ZNF518B: variants seen among roughly 807,000 people sequenced by gnomAD.
ZNF518B encodes zinc finger protein 518B.
ZNF518B carries 23 observed loss-of-function variants against 56.3 expected under a neutral mutation model. The observed-to-expected ratio is 0.41, with a 90% CI of 0.29 to 0.58. The LOEUF (loss-of-function observed/expected upper bound fraction) is 0.58. Ranked by LOEUF, ZNF518B falls within the 20% of genes least tolerant of loss-of-function variation. The probability of loss-of-function intolerance (pLI) is 0.32; values close to 1 mark genes in which losing one functional copy is unlikely to be tolerated. For synonymous variants in ZNF518B, 529 were observed against 465.9 expected (o/e 1.14, Z -1.74); for missense variants, 1,460 against 1,272.1 (o/e 1.15, Z -2.25).
rs1182352232 is a variant in ZNF518B at position 10,442,531 on chromosome 4, C to A, written c.*573G>T. On this transcript the variant is annotated 3_prime_UTR_variant, in exon 3 of 3. Coordinates refer to ENST00000326756, the MANE Select transcript of ZNF518B (RefSeq NM_053042.3). Reference sequence around the variant, plus strand: ...TAAAATGGCCAGTAAAAGCAAAACTCTTTGTGCTATACGGAACACTCGGGA... The same window carrying A: ...TAAAATGGCCAGTAAAAGCAAAACTATTTGTGCTATACGGAACACTCGGGA... 6.6e-6 allele frequency: 1 copy of A among 152,196 alleles called. No individual in the cohort carries two copies. Among genetic ancestry groups the A allele is most frequent in the Non-Finnish European group, 1.5e-5 (1 of 68,064 alleles). 9.4% of individuals were successfully genotyped at this position (152,196 alleles called of 1,614,324 possible).
intron 2 of ZNF518B, chr4:10,454,169 G>A (rs1052624525): frequency 2.0e-5 from 3 of 152,242 alleles, no homozygotes; most frequent in Non-Finnish European, 2.9e-5. Flanking sequence ...GGTGCCTGGA[G>A]GTGGGGTGAG....
chr4:10,460,608 A>T (rs1715718135), upstream of ZNF518B, among the ~76,000 whole-genome samples: 1 of 152,180 alleles, frequency 6.6e-6, no homozygotes. Flanking sequence ...GTGGATTTAG[A>T]TCATTCTAGG....
chr4:10,456,949 G>C (rs894866088), intron 1 of ZNF518B, among the ~76,000 whole-genome samples: 1 of 150,986 alleles, frequency 6.6e-6, no homozygotes, highest in Non-Finnish European at 1.5e-5. Flanking sequence ...CCCCCGCCTC[G>C]GTCGCCCCGG....
chr4:10,450,307 A>T (rs1439377369), intron 2 of ZNF518B, among the ~76,000 whole-genome samples: 1 of 152,226 alleles, frequency 6.6e-6, no homozygotes, highest in Non-Finnish European at 1.5e-5. Context: ...CTTCTGAACT[A>T]TGCTCAAGAT....
intron 1 of ZNF518B, 190 bp downstream of exon 1, chr4:10,457,127 G>C (rs1036293983): frequency 6.7e-6 from 1 of 148,864 alleles, no homozygotes; most frequent in East Asian, 2.0e-4. Context: ...GCCCGCGTTC[G>C]GCCTACCCGG....
In ZNF518B at chr4:10,446,554, A is replaced by T; in HGVS notation, c.-211-15T>A. 2.1e-6 allele frequency: 1 copy of T among 482,514 alleles called. No homozygotes were observed. The highest frequency in any genetic ancestry group is 3.8e-6 in the Non-Finnish European group (1 of 264,466). 29.9% of individuals were successfully genotyped at this position (482,514 alleles called of 1,614,324 possible). ...TCCAGGTAACACTAAAGGAAAACAA[A>T]ATTATAAAGCATGATTAATATAAGA... On this transcript the variant is annotated splice_polypyrimidine_tract_variant and intron_variant, in intron 2 of 2. Coordinates refer to ENST00000326756, the MANE Select transcript of ZNF518B (RefSeq NM_053042.3).
chr4:10,447,647 C>CTTT (rs10675116), intron 2 of ZNF518B, among the ~76,000 whole-genome samples: 2,686 of 121,334 alleles, frequency 0.022, 121 homozygotes, highest in East Asian at 0.16. Flanking sequence ...ACAGAGTGAC[C>CTTT]TTTTTTTTTT....
chr4:10,454,341 G>C (rs1715444289), intron 2 of ZNF518B: 1 of 152,260 alleles, frequency 6.6e-6, no homozygotes, highest in African/African-American at 2.4e-5. Context: ...TCCTGGCACA[G>C]TGCCTGGCAT....
At chr4:10,458,149 G>C (rs1444844274), upstream of ZNF518B, among the ~76,000 whole-genome samples, 3 of 152,156 alleles carry the variant, frequency 2.0e-5, no homozygotes, top group African/African-American at 7.2e-5. Context: ...CTACGGTCCG[G>C]AAGGAAGACA....
At chr4:10,446,747 A>G (rs1715075948) in intron 2 of ZNF518B, among the ~76,000 whole-genome samples, 1 of 152,216 alleles carries the variant, frequency 6.6e-6, no homozygotes, top group Non-Finnish European at 1.5e-5. Flanking sequence ...ATAAATGACC[A>G]CTTTAGCCAA....
At chr4:10,450,595 C>T (rs770320534) in intron 2 of ZNF518B, among the ~76,000 whole-genome samples, 2 of 152,202 alleles carry the variant, frequency 1.3e-5, no homozygotes, top group Non-Finnish European at 2.9e-5. Context: ...TTCCACACAA[C>T]GTCCTCCATG....
Position 10,443,350 on chromosome 4 carries a change from G to A in ZNF518B, c.2979C>T (p.Thr993=), listed in dbSNP as rs139973117. The A allele has an allele frequency of 7.4e-6, 12 of 1,614,070 alleles. No homozygotes were observed. The Admixed American group carries it at 1.5e-4, about 20-fold the overall frequency. ...LGIRRHHVRL[T]YQNAEEASQI... is the part of the protein sequence containing the mutation. ...GACTGGCTTCTTCCGCATTCTGGTA[G>A]GTCAGGCGTACATGATGCCGTCTGA... The change falls in exon 3 of 3, where the codon ACC becomes ACT. Residue 993 remains threonine (T), a synonymous_variant. Coordinates refer to ENST00000326756, the MANE Select transcript of ZNF518B (RefSeq NM_053042.3).
In ZNF518B at chr4:10,444,324, T is replaced by C. The variant is rs1331518746; in HGVS notation, c.2005A>G (p.Ile669Val). The C allele has an allele frequency of 1.2e-6, 2 of 1,614,210 alleles. No individual in the cohort carries two copies. The highest frequency in any genetic ancestry group is 1.7e-6 in the Non-Finnish European group (2 of 1,180,034). Reference protein sequence around the residue: ...IKSIELLRRKIAQLIESCGKP... With the variant: ...IKSIELLRRKVAQLIESCGKP... The stretch of plus-strand genomic sequence containing the variant: ...CCACAGGACTCAATTAACTGAGCTA[T>C]CTTTCTGCGCAACAGTTCAATTGAC... The change falls in exon 3 of 3, where the codon ATA becomes GTA. Residue 669 changes from isoleucine (I) to valine (V), a missense_variant. By Grantham distance (29) the Ile-to-Val change is conservative (BLOSUM62 3). Transcript: ENST00000326756.
In ZNF518B at chr4:10,446,389, C is replaced by G. The variant is rs1468660946; in HGVS notation, c.-61G>C. The G allele has an allele frequency of 7.4e-6, 11 of 1,489,814 alleles. No individual in the cohort carries two copies. The highest frequency in any genetic ancestry group is 1.0e-5 in the Non-Finnish European group (11 of 1,083,860). 92.3% of individuals were successfully genotyped at this position (1,489,814 alleles called of 1,614,324 possible). A position where few individuals can be genotyped will look rare whatever the true frequency, so the allele number is the denominator to read the frequency against. ...CAGAAAGTTTTCACATGATAAAATC[C>G]TTAGGAGATATCCTTCTATACAGTT... On this transcript the variant is annotated 5_prime_UTR_variant, in exon 3 of 3. Transcript: ENST00000326756.
rs71649567 is a variant in ZNF518B, at chr4:10,441,439, G to GGA, written c.*1664_*1665insTC. The stretch of plus-strand genomic sequence containing the variant: ...ACTGGAATCTAAGACTTTCCCATGT[G>GGA]AAAAAAAAAAAAAAAAATCAAAGTC... On this transcript the variant is annotated 3_prime_UTR_variant, in exon 3 of 3. Coordinates refer to ENST00000326756, the MANE Select transcript of ZNF518B (RefSeq NM_053042.3). 2.3e-3 allele frequency: 316 copies of GGA among 140,104 alleles called. 1 individual carries two copies. The highest frequency in any genetic ancestry group is 0.02 in the South Asian group (87 of 4,378). The allele number at this position is 140,104 out of a possible 1,614,324, so 8.7% of individuals were successfully genotyped here. A position where few individuals can be genotyped will look rare whatever the true frequency, so the allele number is the denominator to read the frequency against.
chr4:10,458,413 G>A (rs753066302), upstream of ZNF518B, among the ~76,000 whole-genome samples: 3 of 152,170 alleles, frequency 2.0e-5, no homozygotes, highest in Non-Finnish European at 2.9e-5. Flanking sequence ...CACGGACAGC[G>A]GCCAGTATGC....
At chr4:10,458,268 G>A (rs1370572933), upstream of ZNF518B, among the ~76,000 whole-genome samples, 3 of 152,314 alleles carry the variant, frequency 2.0e-5, no homozygotes, top group Admixed American at 1.3e-4. Flanking sequence ...GGCAGGTTGA[G>A]GCATGGGAGC....
In ZNF518B at chr4:10,442,932, G is replaced by T; in HGVS notation, c.*172C>A. ...TCAGAGCCTTCAAATACATTCTGGG[G>T]TCCAATCACATACTTCAGGTTCAGA... On this transcript the variant is annotated 3_prime_UTR_variant, in exon 3 of 3. Transcript: ENST00000326756. 1 of 596,768 alleles carries T rather than the reference G, an allele frequency of 1.7e-6. No homozygotes were observed. The highest frequency in any genetic ancestry group is 2.9e-6 in the Non-Finnish European group (1 of 350,224). 37.0% of individuals were successfully genotyped at this position (596,768 alleles called of 1,614,324 possible).
chr4:10,447,105 A>G (rs1333902560), intron 2 of ZNF518B, among the ~76,000 whole-genome samples: 1 of 152,224 alleles, frequency 6.6e-6, no homozygotes, highest in Non-Finnish European at 1.5e-5. Context: ...CTGCTGCAGC[A>G]TCTTATTGGG....
Sources: gnomAD v4.1 joint callset for allele counts (sites outside exome capture counted in the v4.1 genomes callset) on GRCh38, gnomAD v4.1.1 for gene constraint, MANE v1.5 for transcripts, NCBI Gene and HGNC (gene_info 2026-07-23, HGNC 2026-07-21) for gene names.